CDH13: variants seen among roughly 807,000 people sequenced by gnomAD.
CDH13 encodes the protein cadherin 13.
In CDH13, 24 loss-of-function variants were observed where a neutral mutation model predicts 63.8. The ratio of observed to expected loss-of-function variants is 0.38; its 90% CI spans 0.27 to 0.53. CDH13 has a LOEUF of 0.53. Among genes scored for constraint, CDH13 ranks in the 20% least tolerant of loss-of-function variants. The probability of loss-of-function intolerance (pLI) is 0.85; values close to 1 mark genes in which losing one functional copy is unlikely to be tolerated. For missense variants in CDH13, 1,049 were observed against 903.1 expected, an observed-to-expected ratio of 1.16 and a Z score of -2.07; for synonymous variants, 503 against 355.3, an observed-to-expected ratio of 1.42 and a Z score of -4.67.
intron 4 of CDH13, among the ~76,000 whole-genome samples, chr16:83,167,499 C>CT (rs761451227): frequency 1.0e-5 from 1 of 99,552 alleles, no homozygotes; most frequent in East Asian, 3.1e-4. Context: ...GACCCTTTCC[C>CT]AAAAAAAAAA....
chr16:82,703,899 G>A (rs1436414602), intron 1 of CDH13, among the ~76,000 whole-genome samples: 2 of 152,108 alleles, frequency 1.3e-5, no homozygotes, highest in Non-Finnish European at 2.9e-5. Context: ...CAGCTTCGGG[G>A]GCTCCAGGAA....
intron 1 of CDH13, among the ~76,000 whole-genome samples, chr16:82,759,897 C>A (rs1675902634): frequency 6.6e-6 from 1 of 152,068 alleles, no homozygotes; most frequent in African/African-American, 2.4e-5. Flanking sequence ...GTCTACCAAG[C>A]CCCAATCCAC....
At chr16:83,430,847 A>G (rs1159172285) in intron 6 of CDH13, among the ~76,000 whole-genome samples, 1 of 151,674 alleles carries the variant, frequency 6.6e-6, no homozygotes, top group Non-Finnish European at 1.5e-5. Flanking sequence ...TTTAAGTTTT[A>G]GGGTACATGT....
At chr16:82,914,978 G>A (rs1473346371) in intron 2 of CDH13, among the ~76,000 whole-genome samples, 3 of 152,158 alleles carry the variant, frequency 2.0e-5, no homozygotes, top group Non-Finnish European at 4.4e-5. Context: ...CACTTAACAG[G>A]GACAGTGAAT....
At chr16:83,374,705 G>A (rs1023077584) in intron 6 of CDH13, among the ~76,000 whole-genome samples, 2 of 152,150 alleles carry the variant, frequency 1.3e-5, no homozygotes, top group Non-Finnish European at 2.9e-5. Flanking sequence ...TATTATGAAA[G>A]CATTAGACTA....
At chr16:83,169,157 G>A (rs2037814086) in intron 4 of CDH13, among the ~76,000 whole-genome samples, 2 of 150,962 alleles carry the variant, frequency 1.3e-5, no homozygotes, top group African/African-American at 4.9e-5. Context: ...CTTACCTTAT[G>A]CTTGCCGGCA....
intron 6 of CDH13, among the ~76,000 whole-genome samples, chr16:83,372,798 A>G (rs1206320722): frequency 1.3e-5 from 2 of 151,306 alleles, no homozygotes; most frequent in East Asian, 1.9e-4. Context: ...GCGACAACTC[A>G]TCTCTGCATC....
At chr16:83,077,091 T>C (rs925365107) in intron 3 of CDH13, among the ~76,000 whole-genome samples, 3 of 151,950 alleles carry the variant, frequency 2.0e-5, no homozygotes, top group African/African-American at 7.2e-5. Flanking sequence ...GAATTTTATA[T>C]GAATGAAATC....
At chr16:82,924,208 A>G (rs2042238633) in intron 2 of CDH13, among the ~76,000 whole-genome samples, 2 of 152,210 alleles carry the variant, frequency 1.3e-5, no homozygotes, top group South Asian at 2.1e-4. Flanking sequence ...GCTCGAGGTT[A>G]GCAAAACAGA....
chr16:82,824,554 G>A (rs902192180), intron 1 of CDH13: 7 of 152,154 alleles, frequency 4.6e-5, no homozygotes, highest in African/African-American at 7.2e-5. Context: ...CTAGTCTTGA[G>A]CCAAAAATAC....
At chr16:83,070,546 A>G (rs894228514) in intron 3 of CDH13, among the ~76,000 whole-genome samples, 3 of 152,182 alleles carry the variant, frequency 2.0e-5, no homozygotes, top group African/African-American at 7.2e-5. Context: ...TAAAAAAACT[A>G]TCTTGGTGAT....
At chr16:83,482,248 G>A (rs57709386) in intron 6 of CDH13, among the ~76,000 whole-genome samples, 29,228 of 152,122 alleles carry the variant, frequency 0.19, 2,879 homozygotes, top group Admixed American at 0.25. Flanking sequence ...AGGACCTACC[G>A]CGTGTCAGAC....
chr16:83,254,972 T>G (rs1279447011), intron 5 of CDH13, among the ~76,000 whole-genome samples: 14 of 21,978 alleles, frequency 6.4e-4, no homozygotes, highest in African/African-American at 1.5e-3. Flanking sequence ...TCTTTCTTTC[T>G]TTCTTTCTTT....
At chr16:83,308,709 GA>G (rs1567580654) in intron 5 of CDH13, among the ~76,000 whole-genome samples, 1 of 152,200 alleles carries the variant, frequency 6.6e-6, no homozygotes, top group Non-Finnish European at 1.5e-5. Flanking sequence ...CTTGCTTCTG[GA>G]AGGCTCCCCT....
intron 4 of CDH13, among the ~76,000 whole-genome samples, chr16:83,143,440 G>A (rs920663666): frequency 9.2e-5 from 14 of 152,154 alleles, no homozygotes; most frequent in African/African-American, 3.1e-4. Flanking sequence ...GTTGAGGAGT[G>A]AGTTCCCTGT....
At chr16:83,576,794 A>G (rs1905115545) in intron 7 of CDH13, among the ~76,000 whole-genome samples, 1 of 152,156 alleles carries the variant, frequency 6.6e-6, no homozygotes, top group African/African-American at 2.4e-5. Context: ...TTCATTGGCC[A>G]TTTGTATATC....
At chr16:83,542,658 C>G (rs933588903) in intron 7 of CDH13, among the ~76,000 whole-genome samples, 2 of 152,232 alleles carry the variant, frequency 1.3e-5, no homozygotes, top group South Asian at 2.1e-4. Flanking sequence ...CTTGTGTCTT[C>G]CAGCTTCTGA....
chr16:83,040,815 G>C (rs779838948), intron 3 of CDH13, among the ~76,000 whole-genome samples: 6 of 152,172 alleles, frequency 3.9e-5, no homozygotes. Context: ...CAACAAACTG[G>C]AGTTATTCAT....
intron 1 of CDH13, among the ~76,000 whole-genome samples, chr16:82,666,714 G>T (rs1387780462): frequency 1.3e-5 from 2 of 152,282 alleles, no homozygotes; most frequent in South Asian, 2.1e-4. Context: ...ACAATGTAAA[G>T]GTAGTCCTGT....
Sources: allele counts gnomAD v4.1 joint callset (sites outside exome capture counted in the v4.1 genomes callset), GRCh38; gene constraint gnomAD v4.1.1; transcripts MANE v1.5; gene names NCBI Gene and HGNC (gene_info 2026-07-23, HGNC 2026-07-21).